Variants in LHX8 observed in about 807,000 individuals in gnomAD.
LHX8 encodes LIM homeobox 8.
A neutral mutation model predicts 40.3 loss-of-function variants in LHX8; 12 were observed. That is an observed-to-expected ratio of 0.30 (90% CI 0.19 to 0.48). The LOEUF (loss-of-function observed/expected upper bound fraction) is 0.48. Ranked by LOEUF, LHX8 falls within the 20% of genes least tolerant of loss-of-function variation. The pLI is 0.99. For missense variants in LHX8, 344 were observed against 433.7 expected (o/e 0.79, Z 1.84); for synonymous variants, 179 against 162.0 (o/e 1.10, Z -0.80).
upstream of LHX8, chr1:75,132,547 T>C (rs1648000209): frequency 1.3e-5 from 2 of 152,164 alleles, no homozygotes; most frequent in Admixed American, 6.5e-5. Flanking sequence ...TATGCAGAGA[T>C]AGACGCTCTT....
intron 2 of LHX8, 63 bp from the exon 3 acceptor site, chr1:75,137,037 G>A: frequency 2.6e-6 from 4 of 1,533,508 alleles, no homozygotes; most frequent in Non-Finnish European, 3.5e-6. Context: ...CGCCCTTGTG[G>A]GTAGGTGGGA....
the LHX8 span, among the ~76,000 whole-genome samples, chr1:75,191,063 G>A: frequency 6.6e-6 from 1 of 151,582 alleles, no homozygotes; most frequent in East Asian, 1.9e-4. Flanking sequence ...ATGAGAGAGA[G>A]GAGAGGAAGA....
Position 75,161,006 on chromosome 1 carries a change from T to G in LHX8, c.*111T>G. On this transcript the variant is annotated 3_prime_UTR_variant, in exon 9 of 9. Coordinates refer to ENST00000356261, the MANE Select transcript of LHX8 (RefSeq NM_001256114.2). ...ATTTTTTATTTAACACCTAAAGCAT[T>G]TCCAACATCACTTTGCTGCCCAGGT... 1 of 816,436 alleles carries G rather than the reference T, an allele frequency of 1.2e-6. No homozygotes were observed. Among genetic ancestry groups the G allele is most frequent in the Non-Finnish European group, 2.1e-6 (1 of 481,090 alleles). The allele number at this position is 816,436 out of a possible 1,614,324, so 50.6% of individuals were successfully genotyped here.
At chr1:75,131,266 A>G (rs1414744413), upstream of LHX8, 56 of 183,760 alleles carry the variant, frequency 3.0e-4, no homozygotes, top group Admixed American at 2.8e-3. Flanking sequence ...GTTTCCGGAG[A>G]TTGCCTGAGC....
the LHX8 span, among the ~76,000 whole-genome samples, chr1:75,179,505 T>C: frequency 8.2e-6 from 1 of 121,470 alleles, no homozygotes; most frequent in Non-Finnish European, 1.6e-5. Flanking sequence ...CCCTGTTGTT[T>C]TTTTTTTTTT....
the LHX8 span, among the ~76,000 whole-genome samples, chr1:75,183,550 A>C: frequency 6.6e-6 from 1 of 152,214 alleles, no homozygotes; most frequent in Non-Finnish European, 1.5e-5. Flanking sequence ...AAAGAGAAAT[A>C]AAATCCTTTC....
the LHX8 span, among the ~76,000 whole-genome samples, chr1:75,182,203 A>G: frequency 6.6e-6 from 1 of 152,084 alleles, no homozygotes; most frequent in African/African-American, 2.4e-5. Context: ...ATCCAGCTTC[A>G]TTCTTCTATA....
the LHX8 span, among the ~76,000 whole-genome samples, chr1:75,181,436 G>T: frequency 1.3e-5 from 2 of 152,148 alleles, no homozygotes; most frequent in African/African-American, 2.4e-5. Flanking sequence ...CCCTCCCCCA[G>T]CCAGTGTTGC....
intron 6 of LHX8, among the ~76,000 whole-genome samples, chr1:75,144,958 A>G (rs12732329): frequency 0.22 from 32,843 of 152,068 alleles, 4,254 homozygotes; most frequent in Middle Eastern, 0.34. Flanking sequence ...AATGATTTAG[A>G]AAAGAAACCT....
the LHX8 span, among the ~76,000 whole-genome samples, chr1:75,173,223 A>G: frequency 6.6e-6 from 1 of 152,062 alleles, no homozygotes; most frequent in Non-Finnish European, 1.5e-5. Flanking sequence ...GAGCTTACAC[A>G]TGTTAACTTT....
chr1:75,135,473 C>G (rs565981314), intron 1 of LHX8, among the ~76,000 whole-genome samples: 1 of 152,294 alleles, frequency 6.6e-6, no homozygotes, highest in Non-Finnish European at 1.5e-5. Context: ...GCGTAGGGAG[C>G]GCACCCCAGA....
chr1:75,148,611 G>A lies in LHX8; in HGVS notation c.709G>A (p.Asp237Asn). 1 of 1,613,688 alleles carries A rather than the reference G, an allele frequency of 6.2e-7. No homozygotes were observed. The change falls in exon 7 of 9, where the codon GAC becomes AAC. Residue 237 changes from aspartate (D) to asparagine (N), a missense_variant. Asp to Asn is a conservative substitution (Grantham distance 23). Transcript: ENST00000356261. The stretch of plus-strand genomic sequence containing the variant: ...GGTTATGCAAGCACAATTTGCTCAG[G>A]ACAACAACCCAGATGCACAGACACT... ...LQVMQAQFAQ[D>N]NNPDAQTLQK...
Position 75,134,840 on chromosome 1 carries a change from T to G in LHX8, c.-127T>G. On this transcript the variant is annotated 5_prime_UTR_variant, in exon 1 of 9. Coordinates refer to ENST00000356261, the MANE Select transcript of LHX8 (RefSeq NM_001256114.2). The stretch of plus-strand genomic sequence containing the variant: ...CTGGCAATTTTTTTTTTTTATTACG[T>G]AGTAGCGTTAGTCAGTAATCATTGC... 5 of 831,002 alleles carry G rather than the reference T, an allele frequency of 6.0e-6. No homozygotes were observed. Among genetic ancestry groups the G allele is most frequent in the Non-Finnish European group, 5.8e-6 (4 of 688,954 alleles). 51.5% of individuals were successfully genotyped at this position (831,002 alleles called of 1,614,324 possible). A position where few individuals can be genotyped will look rare whatever the true frequency, so the allele number is the denominator to read the frequency against.
At chr1:75,174,537 A>G in the LHX8 span, among the ~76,000 whole-genome samples, 51 of 152,316 alleles carry the variant, frequency 3.3e-4, 1 homozygote, top group East Asian at 9.5e-3. Flanking sequence ...ACACACACAC[A>G]CGCCACAGCC....
At chr1:75,155,967 C>A (rs1648751334) in intron 7 of LHX8, among the ~76,000 whole-genome samples, 2 of 150,756 alleles carry the variant, frequency 1.3e-5, no homozygotes, top group Non-Finnish European at 2.9e-5. Flanking sequence ...GAAATAAGTC[C>A]AGCAGGTGCC....
At chr1:75,193,996 A>G in the LHX8 span, among the ~76,000 whole-genome samples, 9 of 152,178 alleles carry the variant, frequency 5.9e-5, no homozygotes, top group African/African-American at 2.2e-4. Context: ...CTCCCATCAG[A>G]CCAAGGGCTG....
intron 3 of LHX8, 126 bp downstream of exon 3, chr1:75,137,387 C>A: frequency 2.1e-6 from 2 of 937,494 alleles, no homozygotes; most frequent in Non-Finnish European, 3.3e-6. Context: ...TAGGCTTTTG[C>A]AGAAAATCAG....
At chr1:75,182,922 T>C in the LHX8 span, 2 of 152,082 alleles carry the variant, frequency 1.3e-5, no homozygotes, top group Non-Finnish European at 2.9e-5. Flanking sequence ...TAAATAGAAA[T>C]ATTAGATGAG....
the LHX8 span, among the ~76,000 whole-genome samples, chr1:75,174,421 T>G: frequency 6.6e-6 from 1 of 152,208 alleles, no homozygotes; most frequent in East Asian, 1.9e-4. Flanking sequence ...AGTCCCTCCC[T>G]ACACCTGTAA....
Sources: gnomAD v4.1 joint callset for allele counts (sites outside exome capture counted in the v4.1 genomes callset) on GRCh38, gnomAD v4.1.1 for gene constraint, MANE v1.5 for transcripts, NCBI Gene and HGNC (gene_info 2026-07-23, HGNC 2026-07-21) for gene names.